IL1RAPL1: variants seen among roughly 807,000 people sequenced by gnomAD.
IL1RAPL1 encodes interleukin-1 receptor accessory protein-like 1.
A neutral mutation model predicts 48.4 loss-of-function variants in IL1RAPL1; 3 were observed. The observed-to-expected ratio is 0.06, with a 90% CI of 0.03 to 0.16. The LOEUF is 0.16. IL1RAPL1 is among the 10% of genes least tolerant of loss of function. The pLI, the probability that IL1RAPL1 is intolerant of heterozygous loss-of-function variation, is 1.00. For synonymous variants in IL1RAPL1, 185 were observed against 187.7 expected (o/e 0.99, Z 0.12); for missense variants, 349 against 530.6 (o/e 0.66, Z 3.36).
At chrX:29,527,088 A>T (rs997389275) in intron 5 of IL1RAPL1, among the ~76,000 whole-genome samples, 1 of 111,274 alleles carries the variant, frequency 9.0e-6, no homozygotes, top group African/African-American at 3.3e-5. Flanking sequence ...CCTGAAATAG[A>T]ACCAAATACA....
At chrX:29,367,228 G>A (rs575965556) in intron 3 of IL1RAPL1, among the ~76,000 whole-genome samples, 4 of 111,709 alleles carry the variant, frequency 3.6e-5, no homozygotes, top group African/African-American at 1.3e-4. Flanking sequence ...TCCATTATAA[G>A]CCATGAAACT....
chrX:28,856,390 G>GT (rs1000853706), intron 2 of IL1RAPL1, among the ~76,000 whole-genome samples: 43 of 111,477 alleles, frequency 3.9e-4, no homozygotes, highest in African/African-American at 1.1e-3. Context: ...GAACAAAGGA[G>GT]TTTTTTTTCC....
chrX:29,495,827 A>C, intron 5 of IL1RAPL1, among the ~76,000 whole-genome samples: 1 of 110,893 alleles, frequency 9.0e-6, no homozygotes, highest in Non-Finnish European at 1.9e-5. Context: ...TCGCTATTGC[A>C]CTCAGTCTCC....
chrX:28,741,408 A>T (rs1481697151), intron 1 of IL1RAPL1, among the ~76,000 whole-genome samples: 1 of 110,758 alleles, frequency 9.0e-6, no homozygotes, highest in Non-Finnish European at 1.9e-5. Context: ...TTGCTTGTTG[A>T]TTTGTTTAAA....
chrX:29,785,199 A>G (rs192366125), intron 6 of IL1RAPL1, among the ~76,000 whole-genome samples: 1 of 112,359 alleles, frequency 8.9e-6, no homozygotes, highest in Non-Finnish European at 1.9e-5. Flanking sequence ...ATGAATGGAG[A>G]TACTTTCCAA....
chrX:29,644,986 G>A (rs1439366547), intron 5 of IL1RAPL1, among the ~76,000 whole-genome samples: 1 of 112,956 alleles, frequency 8.9e-6, no homozygotes, highest in African/African-American at 3.2e-5. Flanking sequence ...GCTAATCACT[G>A]GCAGTTTTTA....
chrX:29,451,493 C>T (rs1934679471), intron 5 of IL1RAPL1, among the ~76,000 whole-genome samples: 1 of 111,652 alleles, frequency 9.0e-6, no homozygotes, highest in Admixed American at 9.5e-5. Flanking sequence ...TCACACCAGG[C>T]CTACAGTAAA....
At chrX:28,842,701 T>C (rs189492248) in intron 2 of IL1RAPL1, among the ~76,000 whole-genome samples, 4 of 111,956 alleles carry the variant, frequency 3.6e-5, no homozygotes, top group Admixed American at 2.9e-4. Context: ...ACTGATATCT[T>C]TTACTTAATA....
chrX:29,664,107 T>G (rs1370378626), intron 5 of IL1RAPL1, among the ~76,000 whole-genome samples: 1 of 111,980 alleles, frequency 8.9e-6, no homozygotes, highest in African/African-American at 3.2e-5. Flanking sequence ...CCACAATGCT[T>G]CTAAGAAACA....
intron 1 of IL1RAPL1, among the ~76,000 whole-genome samples, chrX:28,736,257 C>A (rs1219124307): frequency 1.8e-5 from 2 of 109,852 alleles, no homozygotes; most frequent in Non-Finnish European, 3.8e-5. Flanking sequence ...CATAGTGAAA[C>A]CCCGTCTCTA....
chrX:28,921,212 G>A (rs1923608884), intron 2 of IL1RAPL1, among the ~76,000 whole-genome samples: 1 of 111,277 alleles, frequency 9.0e-6, no homozygotes, highest in Non-Finnish European at 1.9e-5. Context: ...AAGACTAAAT[G>A]TGAATACTCA....
At chrX:28,810,531 A>G (rs992599061) in intron 2 of IL1RAPL1, among the ~76,000 whole-genome samples, 1 of 111,274 alleles carries the variant, frequency 9.0e-6, no homozygotes. Context: ...ACAGAAAAGC[A>G]TAGAATGGTG....
At chrX:29,348,552 G>C (rs748027978) in intron 3 of IL1RAPL1, among the ~76,000 whole-genome samples, 53 of 111,905 alleles carry the variant, frequency 4.7e-4, no homozygotes, top group African/African-American at 1.4e-3. Context: ...GAGACATTGT[G>C]TTAAAGCAGA....
chrX:28,628,833 C>T (rs936901057), intron 1 of IL1RAPL1, among the ~76,000 whole-genome samples: 6 of 111,973 alleles, frequency 5.4e-5, no homozygotes, highest in South Asian at 3.7e-4. Flanking sequence ...CAGTTCCTTA[C>T]GGTTGACGGG....
At chrX:28,715,011 A>C (rs1275276088) in intron 1 of IL1RAPL1, among the ~76,000 whole-genome samples, 2 of 112,349 alleles carry the variant, frequency 1.8e-5, no homozygotes. Context: ...TAACAAAGAT[A>C]TTCAGGATGT....
rs750357574 is a variant in IL1RAPL1, at chrX:29,715,481, AG to A, written c.778+46980del. Among the ~76,000 whole-genome samples, 3 of 111,765 alleles carry A rather than the reference AG, an allele frequency of 2.7e-5. No homozygotes were observed. In the Admixed American group the frequency reaches 2.8e-4, roughly 11 times the overall value. ...AAGGCTCTTTGTCCTGTCTCTCCTCAGGGTAGACCACAGTGAGTGACTGATT... is the reference window on the plus strand; with the variant it reads ...AAGGCTCTTTGTCCTGTCTCTCCTCAGGTAGACCACAGTGAGTGACTGATT... On this transcript the variant is annotated intron_variant, in intron 6 of 10. Transcript: ENST00000378993.
At chrX:29,609,218 C>A (rs1924015925) in intron 5 of IL1RAPL1, among the ~76,000 whole-genome samples, 1 of 111,590 alleles carries the variant, frequency 9.0e-6, no homozygotes, top group African/African-American at 3.3e-5. Context: ...CCTTTCGCCT[C>A]AAATTTGAGG....
chrX:28,813,872 C>T (rs779494686), intron 2 of IL1RAPL1, among the ~76,000 whole-genome samples: 53 of 110,914 alleles, frequency 4.8e-4, no homozygotes, highest in Admixed American at 3.4e-3. Flanking sequence ...GCTTGCCTTT[C>T]GAGCACTGCA....
chrX:29,574,198 G>A (rs1335992638), intron 5 of IL1RAPL1: 17 of 109,292 alleles, frequency 1.6e-4, no homozygotes, highest in African/African-American at 5.7e-4. Flanking sequence ...AGCAAAGAGC[G>A]AGGTGCTACA....
Sources: allele counts gnomAD v4.1 joint callset (sites outside exome capture counted in the v4.1 genomes callset), GRCh38; gene constraint gnomAD v4.1.1; transcripts MANE v1.5; gene names NCBI Gene and HGNC (gene_info 2026-07-23, HGNC 2026-07-21).